The following KIRREL2 variants were observed in gnomAD, a reference collection of about 807,000 sequenced individuals.
KIRREL2 encodes the protein kirre like nephrin family adhesion molecule 2, also known as kin of IRRE-like protein 2.
KIRREL2 carries 56 observed loss-of-function variants against 73.4 expected under a neutral mutation model. The ratio of observed to expected loss-of-function variants is 0.76; its 90% confidence interval spans 0.62 to 0.95. The LOEUF is 0.95. Among genes scored for constraint, KIRREL2 ranks in the 40% least tolerant of loss-of-function variants. KIRREL2 has a pLI of 0.00. For synonymous variants in KIRREL2, 407 were observed against 404.0 expected, an observed-to-expected ratio of 1.01 and a Z score of -0.09; for missense variants, 896 against 935.0, an observed-to-expected ratio of 0.96 and a Z score of 0.54.
rs763396476 is a variant in KIRREL2, at chr19:35,857,385, G to T, written c.102G>T (p.Val34=). 1.2e-6 allele frequency: 2 copies of T among 1,612,978 alleles called. No homozygotes were observed. The highest frequency in any genetic ancestry group is 3.3e-5 in the Admixed American group (2 of 60,006). The part of the protein sequence containing the change: ...PHFLQQPEDL[V]VLLGEEARLP... ...TCCTGCAACAGCCAGAGGACCTGGT[G>T]GTGCTGCTGGGGGAGGAAGCCCGGC... The change falls in exon 2 of 15, where the codon GTG becomes GTT. Residue 34 remains valine, a synonymous_variant. Coordinates refer to ENST00000360202, the MANE Select transcript of KIRREL2 (RefSeq NM_199180.4).
chr19:35,851,591 GCC>G, upstream of KIRREL2: 1 of 1,613,968 alleles, frequency 6.2e-7, no homozygotes, highest in Non-Finnish European at 8.5e-7. Context: ...CTCCACTGAG[GCC>G]CCCTCCACCA....
At position 35,862,546 on chromosome 19, in the gene KIRREL2, C is replaced by T. The variant is rs1240787901; in HGVS notation, c.1564C>T (p.Leu522Phe). Reference sequence around the variant, plus strand: ...CGGAGTGGCCGCTGCCACCACAACTCTCCTTATGGTCATCACTGGGGTGGC... The same window carrying T: ...CGGAGTGGCCGCTGCCACCACAACTTTCCTTATGGTCATCACTGGGGTGGC... ...VAGVAAATTT[L>F]LMVITGVALC... Residue 522 changes from leucine to phenylalanine, a missense_variant, in exon 12 of 15, where the codon CTC becomes TTC. Physicochemically the swap from Leu to Phe is conservative, Grantham distance 22. Coordinates refer to ENST00000360202, the MANE Select transcript of KIRREL2 (RefSeq NM_199180.4). 1 of 1,610,586 alleles carries T rather than the reference C, an allele frequency of 6.2e-7. No homozygotes were observed. The highest frequency in any genetic ancestry group is 8.5e-7 in the Non-Finnish European group (1 of 1,179,974).
At chr19:35,856,534 C>G (rs113550999), upstream of KIRREL2, 84 of 159,988 alleles carry the variant, frequency 5.3e-4, no homozygotes, top group Non-Finnish European at 6.4e-4. The surrounding 1 kb of genome is among the most constrained non-coding windows in gnomAD (Gnocchi z 5.9). Flanking sequence ...CCGCATCCCC[C>G]AGGGCGCGGA....
At chr19:35,861,751 C>G (rs1973698679) in intron 10 of KIRREL2, 54 bp from the exon 11 acceptor site, 1 of 1,587,342 alleles carries the variant, frequency 6.3e-7, no homozygotes, top group East Asian at 2.3e-5. Flanking sequence ...ATCCCTCCTG[C>G]TTCTTCCTCC....
In KIRREL2 at chr19:35,858,422, T is replaced by G. The variant is rs1341689878; in HGVS notation, c.226T>G (p.Trp76Gly). 1.2e-6 allele frequency: 2 copies of G among 1,613,890 alleles called. No homozygotes were observed. Among genetic ancestry groups the G allele is most frequent in the Non-Finnish European group, 8.5e-7 (1 of 1,179,934 alleles). ...QRDLPGWSRY[W>G]ISGNAANGQH... Reference sequence around the variant, plus strand: ...CCTGACTCCAGGGTGGTCCCGGTACTGGATATCAGGGAATGCAGCCAATGG... The same window carrying G: ...CCTGACTCCAGGGTGGTCCCGGTACGGGATATCAGGGAATGCAGCCAATGG... Residue 76 changes from tryptophan to glycine, a missense_variant, in exon 3 of 15, where the codon TGG becomes GGG. Coordinates refer to ENST00000360202, the MANE Select transcript of KIRREL2 (RefSeq NM_199180.4).
Position 35,866,881 on chromosome 19 carries a change from A to G in KIRREL2, c.*389A>G. The G allele has an allele frequency of 3.5e-6, 1 of 286,616 alleles. No homozygotes were observed. Among genetic ancestry groups the G allele is most frequent in the Non-Finnish European group, 6.5e-6 (1 of 154,848 alleles). The allele number at this position is 286,616 out of a possible 1,614,324, so 17.8% of individuals were successfully genotyped here. On this transcript the variant is annotated 3_prime_UTR_variant, in exon 15 of 15. Transcript: ENST00000360202. Reference sequence around the variant, plus strand: ...TGAGAGGAAAGGTAGCATAGGATAGATGAAGATGAAGAGCATACCAGGCCC... The same window carrying G: ...TGAGAGGAAAGGTAGCATAGGATAGGTGAAGATGAAGAGCATACCAGGCCC...
rs568052527 is a variant in KIRREL2, at chr19:35,863,010, G to C, written c.1699G>C (p.Glu567Gln). 13 of 1,589,358 alleles carry C rather than the reference G, an allele frequency of 8.2e-6. 1 individual carries two copies. The Admixed American group carries it at 2.0e-4, about 24-fold the overall frequency. The change falls in exon 13 of 15, where the codon GAG becomes CAG. Residue 567 changes from glutamate to glutamine, a missense_variant. By Grantham distance (29) the Glu-to-Gln change is conservative. Transcript: ENST00000360202. ...DGSSSRGPEEEETGSREDRGP... is the reference protein window; with the variant it reads ...DGSSSRGPEEQETGSREDRGP... ...CTCCAGTTCACGAGGTCCTGAAGAA[G>C]AGGAGACAGGCAGCCGCGAGGACCG...
upstream of KIRREL2, among the ~76,000 whole-genome samples, chr19:35,853,471 G>T (rs620661): frequency 0.011 from 1,684 of 151,970 alleles, 37 homozygotes; most frequent in African/African-American, 0.039. Flanking sequence ...CCTTCTCCAT[G>T]TCTCTCTCTC....
chr19:35,852,097 C>CT (rs10566018), upstream of KIRREL2, among the ~76,000 whole-genome samples: 200 of 121,536 alleles, frequency 1.6e-3, 1 homozygote, highest in East Asian at 3.7e-3. Context: ...TTTTTTTTTT[C>CT]TTTTTTTTTT....
At chr19:35,853,787 C>T (rs965946901), upstream of KIRREL2, among the ~76,000 whole-genome samples, 2 of 151,784 alleles carry the variant, frequency 1.3e-5, no homozygotes, top group African/African-American at 4.8e-5. Context: ...TTCTTTCTGC[C>T]TCAGCCTCCT....
intron 14 of KIRREL2, 151 bp downstream of exon 14, chr19:35,864,864 C>T (rs1489859865): frequency 3.8e-5 from 24 of 629,488 alleles, no homozygotes; most frequent in Middle Eastern, 4.3e-4. Context: ...ACTCCTCCTG[C>T]CCCCTGGGCC....
rs1973715135 is a variant in KIRREL2, at chr19:35,862,005, G to A, written c.1491G>A (p.Gln497=). The A allele has an allele frequency of 1.2e-6, 2 of 1,609,322 alleles. No individual in the cohort carries two copies. The highest frequency in any genetic ancestry group is 3.4e-5 in the Admixed American group (2 of 59,224). ...ARNRLGEGGA[Q]ASLGRRDLLP... is the part of the protein sequence containing the mutation. The stretch of plus-strand genomic sequence containing the variant: ...ACCGGCTGGGCGAGGGAGGTGCCCA[G>A]GCCAGCCTGGGCCGTAGAGGTGAGA... Residue 497 remains glutamine, a synonymous_variant, in exon 11 of 15, where the codon CAG becomes CAA. Transcript: ENST00000360202.
At chr19:35,859,245 C>A (rs531478544) in intron 4 of KIRREL2, among the ~76,000 whole-genome samples, 1 of 152,346 alleles carries the variant, frequency 6.6e-6, no homozygotes, top group East Asian at 1.9e-4. Context: ...GCTTGTCCAA[C>A]CTGCGGCCCA....
In KIRREL2 at chr19:35,864,576, A is replaced by G. The variant is rs1298893632; in HGVS notation, c.1726-72A>G. The G allele has an allele frequency of 7.8e-6, 10 of 1,279,742 alleles. 1 individual carries two copies. The Admixed American group carries it at 1.2e-4, about 15-fold the overall frequency. The allele number at this position is 1,279,742 out of a possible 1,614,324, so 79.3% of individuals were successfully genotyped here. ...TGCCTGGCCTCCACTGGCTGGCTGAAGGTCCTTGGGGTCTGGCATTGGGGC... is the reference window on the plus strand; with the variant it reads ...TGCCTGGCCTCCACTGGCTGGCTGAGGGTCCTTGGGGTCTGGCATTGGGGC... On this transcript the variant is annotated intron_variant, in intron 13 of 14. Coordinates refer to ENST00000360202, the MANE Select transcript of KIRREL2 (RefSeq NM_199180.4).
upstream of KIRREL2, among the ~76,000 whole-genome samples, chr19:35,854,011 ATTT>A (rs1973347660): frequency 6.6e-6 from 1 of 151,546 alleles, no homozygotes; most frequent in African/African-American, 2.4e-5. Flanking sequence ...CACCCAGCTA[ATTT>A]TTGTATTTTT....
At chr19:35,851,686 G>A (rs752268091), upstream of KIRREL2, 42 of 1,606,138 alleles carry the variant, frequency 2.6e-5, no homozygotes, top group Admixed American at 1.4e-4. Context: ...AGGACACAGC[G>A]CGGTGCAAGG....
At chr19:35,858,381 T>C in intron 2 of KIRREL2, 27 bp from the exon 3 acceptor site, 1 of 1,605,462 alleles carries the variant, frequency 6.2e-7, no homozygotes, top group Non-Finnish European at 8.5e-7. Context: ...AACCATGGTG[T>C]GCTGACTGCC....
chr19:35,853,857 T>C (rs2146838519), upstream of KIRREL2, among the ~76,000 whole-genome samples: 1 of 146,782 alleles, frequency 6.8e-6, no homozygotes, highest in East Asian at 2.0e-4. Context: ...TTTTTTTTTT[T>C]TTTTTGAGAG....
chr19:35,857,075 G>A lies in KIRREL2; in HGVS notation c.-45G>A. On this transcript the variant is annotated 5_prime_UTR_variant, in exon 1 of 15. Transcript: ENST00000360202. ...GCGTGCTTGAGAGGAAGAAGTTGAC[G>A]GGAAGGCCAGTGCGACGGCAAATCT... 1.2e-6 allele frequency: 2 copies of A among 1,606,950 alleles called. No homozygotes were observed. The highest frequency in any genetic ancestry group is 1.7e-6 in the Non-Finnish European group (2 of 1,173,634).
Sources: allele counts gnomAD v4.1 joint callset (sites outside exome capture counted in the v4.1 genomes callset), GRCh38; gene constraint gnomAD v4.1.1; non-coding constraint Gnocchi (gnomAD v3.1); transcripts MANE v1.5; gene names NCBI Gene and HGNC (gene_info 2026-07-23, HGNC 2026-07-21).